The following TRERF1 variants were observed in gnomAD, a reference collection of about 807,000 sequenced individuals.
TRERF1 encodes the protein transcriptional-regulating factor 1.
A neutral mutation model predicts 122.9 loss-of-function variants in TRERF1; 27 were observed. The ratio of observed to expected loss-of-function variants is 0.22; its 90% confidence interval spans 0.16 to 0.30. The LOEUF is 0.30. Among genes scored for constraint, TRERF1 ranks in the 10% least tolerant of loss-of-function variants. The pLI is 1.00. For synonymous variants in TRERF1, 636 were observed against 641.7 expected, an observed-to-expected ratio of 0.99 and a Z score of 0.13; for missense variants, 1,248 against 1,560.3, an observed-to-expected ratio of 0.80 and a Z score of 3.37.
In TRERF1 at chr6:42,275,020, T is replaced by C. The variant is rs1780919362; in HGVS notation, c.-258-5172A>G. The stretch of plus-strand genomic sequence containing the variant: ...CAGTCAATCAGGTTCTTATATATCC[T>C]CCTAGAGACACTTTATGCTCATACA... On this transcript the variant is annotated intron_variant, in intron 4 of 17. Transcript: ENST00000372922. The surrounding 1 kb of genome is among the most constrained non-coding windows in gnomAD (Gnocchi z 4.1). Among the ~76,000 whole-genome samples, 1 of 152,130 alleles carries C rather than the reference T, an allele frequency of 6.6e-6. No individual in the cohort carries two copies. The highest frequency in any genetic ancestry group is 2.4e-5 in the African/African-American group (1 of 41,430).
intron 3 of TRERF1, among the ~76,000 whole-genome samples, chr6:42,301,432 G>A (rs1048902515): frequency 1.3e-5 from 2 of 152,192 alleles, no homozygotes; most frequent in Non-Finnish European, 2.9e-5. Context: ...GTTTCACCAT[G>A]TTGGCCAGGC....
intron 5 of TRERF1, among the ~76,000 whole-genome samples, chr6:42,267,771 G>C (rs1460439669): frequency 1.3e-5 from 2 of 152,204 alleles, no homozygotes; most frequent in African/African-American, 4.8e-5. Flanking sequence ...GTCATAACGT[G>C]GTCTCCCTCC....
At chr6:42,289,141 T>C (rs1301167916) in intron 4 of TRERF1, among the ~76,000 whole-genome samples, 1 of 152,008 alleles carries the variant, frequency 6.6e-6, no homozygotes, top group African/African-American at 2.4e-5. Flanking sequence ...CTGGCCAACA[T>C]GGTGAAACCC....
At chr6:42,305,366 G>A (rs750367851) in intron 3 of TRERF1, among the ~76,000 whole-genome samples, 4 of 152,144 alleles carry the variant, frequency 2.6e-5, no homozygotes, top group Admixed American at 6.5e-5. Flanking sequence ...ACAGCCCCAC[G>A]CTGCTATCAG....
intron 2 of TRERF1, among the ~76,000 whole-genome samples, chr6:42,421,244 T>C (rs1023724307): frequency 3.3e-5 from 5 of 152,254 alleles, no homozygotes; most frequent in African/African-American, 1.2e-4. Context: ...CAGCAGGTAA[T>C]ATTATTAAAT....
In TRERF1 at chr6:42,226,986, T is replaced by C. The variant is rs560127204; in HGVS notation, c.*1359A>G. The stretch of plus-strand genomic sequence containing the variant: ...CCCAGCCTGACTTTTGCCCTAACGG[T>C]GGGATGGGTCAGTCTGACTCAGCTC... On this transcript the variant is annotated 3_prime_UTR_variant, in exon 18 of 18. Transcript: ENST00000372922. The C allele has an allele frequency of 2.0e-5, 3 of 152,268 alleles. No individual in the cohort carries two copies. In the East Asian group the frequency reaches 5.8e-4, roughly 29 times the overall value. 9.4% of individuals were successfully genotyped at this position (152,268 alleles called of 1,614,324 possible).
At chr6:42,389,487 C>T (rs1777346927) in intron 2 of TRERF1, among the ~76,000 whole-genome samples, 1 of 152,232 alleles carries the variant, frequency 6.6e-6, no homozygotes, top group Non-Finnish European at 1.5e-5. Flanking sequence ...TCCCCATTGT[C>T]CATCTCTCCA....
At chr6:42,384,553 T>C (rs1776473670) in intron 2 of TRERF1, among the ~76,000 whole-genome samples, 1 of 152,216 alleles carries the variant, frequency 6.6e-6, no homozygotes, top group South Asian at 2.1e-4. Context: ...AAGAATTATT[T>C]AACCCACTTT....
intron 3 of TRERF1, among the ~76,000 whole-genome samples, chr6:42,334,020 C>T (rs1330946879): frequency 6.8e-6 from 1 of 147,834 alleles, no homozygotes; most frequent in African/African-American, 2.6e-5. Context: ...CACACACACA[C>T]ACACACGTAT....
At chr6:42,347,330 G>C (rs1364547013) in intron 3 of TRERF1, among the ~76,000 whole-genome samples, 1 of 152,144 alleles carries the variant, frequency 6.6e-6, no homozygotes, top group Non-Finnish European at 1.5e-5. Context: ...TTTACTATGT[G>C]GCAGAAAGTT....
intron 2 of TRERF1, among the ~76,000 whole-genome samples, chr6:42,373,720 A>G (rs1275458603): frequency 6.6e-6 from 1 of 151,462 alleles, no homozygotes; most frequent in Middle Eastern, 3.2e-3. Flanking sequence ...AATCCCAGCT[A>G]CTCAGGGGGC....
chr6:42,228,319 A>C lies in TRERF1; in HGVS notation c.*26T>G. On this transcript the variant is annotated 3_prime_UTR_variant, in exon 18 of 18. Transcript: ENST00000372922. This position sits in a 1 kb window ranked among gnomAD's most constrained non-coding sequence, Gnocchi z 4.2. ...ATGAAGATGGAGGCCGTGGGTTTTC[A>C]CTGTCTCTAAGTGACACACAGGGCT... 1 of 1,557,266 alleles carries C rather than the reference A, an allele frequency of 6.4e-7. No homozygotes were observed. The highest frequency in any genetic ancestry group is 1.9e-5 in the Admixed American group (1 of 52,930).
chr6:42,379,200 C>T (rs1775464193), intron 2 of TRERF1, among the ~76,000 whole-genome samples: 1 of 152,038 alleles, frequency 6.6e-6, no homozygotes, highest in Non-Finnish European at 1.5e-5. Context: ...CTTCTAGTAC[C>T]TGTCTTTTCC....
chr6:42,299,676 C>T (rs1348946573), intron 4 of TRERF1, among the ~76,000 whole-genome samples: 1 of 152,042 alleles, frequency 6.6e-6, no homozygotes, highest in Non-Finnish European at 1.5e-5. Flanking sequence ...TTTTGAAGCA[C>T]TTATGGGACA....
chr6:42,257,357 G>A (rs2149756172), intron 10 of TRERF1, among the ~76,000 whole-genome samples: 1 of 152,312 alleles, frequency 6.6e-6, no homozygotes, highest in Non-Finnish European at 1.5e-5. Context: ...CCTGTAACTG[G>A]GAGAGGGAGG....
intron 2 of TRERF1, among the ~76,000 whole-genome samples, chr6:42,373,389 T>A (rs1432192524): frequency 6.6e-6 from 1 of 152,036 alleles, no homozygotes; most frequent in Non-Finnish European, 1.5e-5. Context: ...AAAATTAGGC[T>A]GGGCACGGTG....
At chr6:42,438,109 A>G (rs770655536) in intron 2 of TRERF1, among the ~76,000 whole-genome samples, 71 of 151,568 alleles carry the variant, frequency 4.7e-4, no homozygotes, top group Middle Eastern at 6.8e-3. Flanking sequence ...TTCAGTAGAG[A>G]TGGGGTTTCA....
At chr6:42,272,307 T>G (rs555734777) in intron 4 of TRERF1, among the ~76,000 whole-genome samples, 2 of 152,054 alleles carry the variant, frequency 1.3e-5, no homozygotes, top group Non-Finnish European at 2.9e-5. Flanking sequence ...AAACTTCAGA[T>G]GAGGGGTTGC....
In TRERF1 at chr6:42,360,770, TTAAAAAAAAAAAAAAAAAAA is replaced by T. The variant is rs1771583912; in HGVS notation, c.-371+2207_-371+2226del. ...ACCCAGGGAGGAAGGAGTGGAGAGA[TTAAAAAAAAAAAAAAAAAAA>T]AAAAAAAAAAAACCTGGATGGTTTA... On this transcript the variant is annotated intron_variant, in intron 3 of 17. Transcript: ENST00000372922. 3.1e-5 allele frequency among the ~76,000 whole-genome samples: 2 copies of T among 64,046 alleles called. 1 individual carries two copies. 42.0% of individuals were successfully genotyped at this position (64,046 alleles called of 152,430 possible).
Sources: gnomAD v4.1 joint callset for allele counts (sites outside exome capture counted in the v4.1 genomes callset) on GRCh38, gnomAD v4.1.1 for gene constraint, Gnocchi (gnomAD v3.1) non-coding constraint, MANE v1.5 for transcripts, NCBI Gene and HGNC (gene_info 2026-07-23, HGNC 2026-07-21) for gene names.